The following DSCAM variants were observed in gnomAD, a reference collection of about 807,000 sequenced individuals.
DSCAM encodes the protein DS cell adhesion molecule, also known as cell adhesion molecule DSCAM.
A neutral mutation model predicts 217.7 loss-of-function variants in DSCAM; 47 were observed. The observed-to-expected ratio is 0.22, with a 90% CI of 0.17 to 0.28. The LOEUF (loss-of-function observed/expected upper bound fraction) is 0.28. Ranked by LOEUF, DSCAM falls within the 10% of genes least tolerant of loss-of-function variation. The probability of loss-of-function intolerance (pLI) is 1.00; values close to 1 mark genes in which losing one functional copy is unlikely to be tolerated. For missense variants in DSCAM, 2,080 were observed against 2,618.3 expected (o/e 0.79, Z 4.49); for synonymous variants, 1,056 against 1,015.3 (o/e 1.04, Z -0.76).
chr21:40,216,061 C>T (rs1185747496), intron 11 of DSCAM, among the ~76,000 whole-genome samples: 1 of 152,044 alleles, frequency 6.6e-6, no homozygotes, highest in Non-Finnish European at 1.5e-5. Context: ...CAAGTCAAGA[C>T]ATGCAATGAT....
At chr21:40,359,400 A>G (rs2074733106) in intron 4 of DSCAM, among the ~76,000 whole-genome samples, 2 of 152,222 alleles carry the variant, frequency 1.3e-5, no homozygotes, top group Non-Finnish European at 2.9e-5. Flanking sequence ...CTTGCCAAAT[A>G]AAAGCAGCCA....
chr21:40,181,215 C>G (rs1218022316), intron 14 of DSCAM, among the ~76,000 whole-genome samples: 5 of 128,528 alleles, frequency 3.9e-5, no homozygotes, highest in Admixed American at 2.3e-4. Context: ...TGCATTCTTC[C>G]TAGTTATATT....
At chr21:40,473,201 GAGCAGAATGAATTAGAAA>G (rs550107597) in intron 3 of DSCAM, among the ~76,000 whole-genome samples, 132 of 152,344 alleles carry the variant, frequency 8.7e-4, no homozygotes, top group African/African-American at 2.9e-3. Context: ...AACTAAAGGA[GAGCAGAATGAATTAGAAA>G]AGCAGAATGT....
chr21:40,513,723 T>C (rs1394382678), intron 3 of DSCAM, among the ~76,000 whole-genome samples: 1 of 152,080 alleles, frequency 6.6e-6, no homozygotes, highest in Non-Finnish European at 1.5e-5. Flanking sequence ...CCTTCAACAT[T>C]AGGGGCCAAA....
At chr21:40,751,412 C>T (rs1254056946) in intron 1 of DSCAM, among the ~76,000 whole-genome samples, 1 of 152,210 alleles carries the variant, frequency 6.6e-6, no homozygotes, top group Non-Finnish European at 1.5e-5. Context: ...ACTGTATCCC[C>T]AGCAGCCAGA....
chr21:40,592,254 T>G (rs1336727167), intron 3 of DSCAM, among the ~76,000 whole-genome samples: 6 of 152,184 alleles, frequency 3.9e-5, no homozygotes, highest in Admixed American at 2.6e-4. Flanking sequence ...TTTAGGTAGT[T>G]ATCCTAAGGC....
At chr21:40,783,360 C>T (rs1368912458) in intron 1 of DSCAM, among the ~76,000 whole-genome samples, 2 of 152,124 alleles carry the variant, frequency 1.3e-5, no homozygotes, top group South Asian at 2.1e-4. Flanking sequence ...CCAAACCGTG[C>T]ACTTGGAAGC....
intron 3 of DSCAM, among the ~76,000 whole-genome samples, chr21:40,629,870 T>C (rs1383028533): frequency 2.6e-5 from 4 of 152,210 alleles, no homozygotes; most frequent in Non-Finnish European, 5.9e-5. Context: ...GCATCTACTA[T>C]AGAACCTGAC....
intron 5 of DSCAM, among the ~76,000 whole-genome samples, chr21:40,351,192 G>C (rs1419551784): frequency 1.3e-5 from 2 of 152,144 alleles, no homozygotes; most frequent in Non-Finnish European, 2.9e-5. Context: ...GTTGAGAACA[G>C]AGCTGAGTAA....
chr21:40,627,476 T>C (rs2089617244), intron 3 of DSCAM, among the ~76,000 whole-genome samples: 1 of 152,198 alleles, frequency 6.6e-6, no homozygotes, highest in African/African-American at 2.4e-5. Flanking sequence ...TTTTAAAAGC[T>C]AGTAATTTTC....
chr21:40,674,432 T>C (rs79241766), intron 3 of DSCAM, among the ~76,000 whole-genome samples: 4,208 of 152,204 alleles, frequency 0.028, 168 homozygotes, highest in African/African-American at 0.088. Flanking sequence ...TGATTTGTCT[T>C]ATAGGTGTTT....
chr21:40,039,318 AAAG>A (rs1372992897), intron 32 of DSCAM, among the ~76,000 whole-genome samples: 1 of 152,178 alleles, frequency 6.6e-6, no homozygotes, highest in Non-Finnish European at 1.5e-5. Flanking sequence ...TCAAAAAAAA[AAAG>A]AATGGAAAAT....
chr21:40,129,884 G>C (rs967876325), intron 19 of DSCAM, among the ~76,000 whole-genome samples: 9 of 152,156 alleles, frequency 5.9e-5, no homozygotes, highest in Admixed American at 3.3e-4. Context: ...AAGTATGGGT[G>C]GTCAGAAGAT....
chr21:40,326,856 T>C (rs917314223), intron 8 of DSCAM, among the ~76,000 whole-genome samples: 1 of 151,702 alleles, frequency 6.6e-6, no homozygotes, highest in Non-Finnish European at 1.5e-5. Flanking sequence ...GAGTCTATAA[T>C]TGTATCATGC....
intron 5 of DSCAM, among the ~76,000 whole-genome samples, chr21:40,351,337 TAAC>T (rs1471268229): frequency 2.0e-5 from 3 of 152,118 alleles, no homozygotes; most frequent in Admixed American, 2.0e-4. Context: ...TTGATAATAA[TAAC>T]AAGAGCCATT....
intron 1 of DSCAM, among the ~76,000 whole-genome samples, chr21:40,805,034 T>C (rs1449334666): frequency 6.6e-6 from 1 of 152,180 alleles, no homozygotes; most frequent in Admixed American, 6.5e-5. Flanking sequence ...ACTCTTCTAA[T>C]ATTCTTGAAT....
chr21:40,570,739 T>C (rs1306342388), intron 3 of DSCAM, among the ~76,000 whole-genome samples: 2 of 152,024 alleles, frequency 1.3e-5, no homozygotes, highest in East Asian at 1.9e-4. Context: ...TGATACTAGG[T>C]AGGAAGAATT....
chr21:40,654,268 G>A (rs2090048892), intron 3 of DSCAM, among the ~76,000 whole-genome samples: 1 of 152,098 alleles, frequency 6.6e-6, no homozygotes, highest in South Asian at 2.1e-4. Context: ...TATGCAGATG[G>A]AAGTTGTTTA....
At chr21:40,087,587 CA>C (rs1354539193) in intron 21 of DSCAM, among the ~76,000 whole-genome samples, 2 of 152,124 alleles carry the variant, frequency 1.3e-5, no homozygotes, top group Non-Finnish European at 2.9e-5. Flanking sequence ...TCTATGAGCC[CA>C]ATTATTTCTC....
Sources: allele counts gnomAD v4.1 joint callset (sites outside exome capture counted in the v4.1 genomes callset), GRCh38; gene constraint gnomAD v4.1.1; transcripts MANE v1.5; gene names NCBI Gene and HGNC (gene_info 2026-07-23, HGNC 2026-07-21).